The following MAPKAP1 variants were observed in gnomAD, a reference collection of about 807,000 sequenced individuals.
MAPKAP1 encodes target of rapamycin complex 2 subunit MAPKAP1.
MAPKAP1 carries 20 observed loss-of-function variants against 65.7 expected under a neutral mutation model. That is an observed-to-expected ratio of 0.30 (90% confidence interval 0.21 to 0.44). The LOEUF is 0.44. MAPKAP1 is among the 20% of genes least tolerant of loss of function. The pLI is 1.00. For synonymous variants in MAPKAP1, 222 were observed against 244.3 expected, an observed-to-expected ratio of 0.91 and a Z score of 0.85; for missense variants, 423 against 648.0, an observed-to-expected ratio of 0.65 and a Z score of 3.77.
chr9:125,477,941 C>T (rs911865267), intron 9 of MAPKAP1: 3 of 152,148 alleles, frequency 2.0e-5, no homozygotes, highest in African/African-American at 7.2e-5. Flanking sequence ...CTTTTTAGGA[C>T]TGACAGAGGG....
At chr9:125,448,815 G>A (rs1451677727) in intron 10 of MAPKAP1, among the ~76,000 whole-genome samples, 1 of 152,082 alleles carries the variant, frequency 6.6e-6, no homozygotes, top group East Asian at 1.9e-4. Flanking sequence ...GACCAGCCTT[G>A]CCAACACTGT....
At chr9:125,648,573 G>A (rs981112266) in intron 4 of MAPKAP1, among the ~76,000 whole-genome samples, 1 of 152,180 alleles carries the variant, frequency 6.6e-6, no homozygotes, top group African/African-American at 2.4e-5. Flanking sequence ...CTGATTCCCT[G>A]TCAGTGTTCC....
intron 1 of MAPKAP1, among the ~76,000 whole-genome samples, chr9:125,697,833 C>T (rs980594828): frequency 3.3e-5 from 5 of 152,168 alleles, no homozygotes; most frequent in African/African-American, 1.2e-4. Context: ...ATCTTACCAT[C>T]TTACCACCAA....
intron 8 of MAPKAP1, among the ~76,000 whole-genome samples, chr9:125,494,118 A>G (rs951594154): frequency 1.3e-5 from 2 of 152,220 alleles, no homozygotes; most frequent in African/African-American, 4.8e-5. Flanking sequence ...AGTGAGTCAC[A>G]GAGAAAACTC....
chr9:125,610,564 C>T, intron 4 of MAPKAP1, among the ~76,000 whole-genome samples: 1 of 152,092 alleles, frequency 6.6e-6, no homozygotes, highest in East Asian at 1.9e-4. Context: ...GACCGTGATA[C>T]CCTCCTCACA....
At chr9:125,664,856 A>G (rs1380118647) in intron 3 of MAPKAP1, among the ~76,000 whole-genome samples, 1 of 152,138 alleles carries the variant, frequency 6.6e-6, no homozygotes, top group Admixed American at 6.5e-5. Context: ...TAGAAAGACT[A>G]TAAAGTCTTT....
intron 4 of MAPKAP1, among the ~76,000 whole-genome samples, chr9:125,628,292 A>G (rs1005738238): frequency 6.6e-6 from 1 of 152,138 alleles, no homozygotes; most frequent in Non-Finnish European, 1.5e-5. Context: ...AATGGGCAAG[A>G]TGGAATGGGC....
At chr9:125,667,500 T>C (rs999027576) in intron 3 of MAPKAP1, among the ~76,000 whole-genome samples, 2 of 152,150 alleles carry the variant, frequency 1.3e-5, no homozygotes, top group Admixed American at 6.5e-5. Context: ...ATATTTTTAG[T>C]TGAGACAGGG....
chr9:125,543,378 T>C (rs1020472061), intron 6 of MAPKAP1, among the ~76,000 whole-genome samples: 2 of 151,898 alleles, frequency 1.3e-5, no homozygotes, highest in Non-Finnish European at 1.5e-5. Flanking sequence ...ACCATTCTCC[T>C]GCCTCAGCCT....
At chr9:125,549,277 G>T (rs568851204) in intron 6 of MAPKAP1, among the ~76,000 whole-genome samples, 212 of 152,298 alleles carry the variant, frequency 1.4e-3, no homozygotes, top group Non-Finnish European at 4.1e-4. Context: ...TCGAGTCTCT[G>T]GTCCTGACCA....
At chr9:125,646,453 G>A (rs1833728184) in intron 4 of MAPKAP1, among the ~76,000 whole-genome samples, 1 of 152,194 alleles carries the variant, frequency 6.6e-6, no homozygotes, top group Non-Finnish European at 1.5e-5. Context: ...CAACAGTAAG[G>A]AATGTTATGA....
intron 4 of MAPKAP1, among the ~76,000 whole-genome samples, chr9:125,640,661 C>G (rs946308929): frequency 3.9e-5 from 6 of 152,212 alleles, no homozygotes; most frequent in African/African-American, 1.4e-4. Flanking sequence ...CATCCATTCT[C>G]ACTCTTTTTA....
intron 5 of MAPKAP1, among the ~76,000 whole-genome samples, chr9:125,575,714 T>A (rs951430077): frequency 6.6e-6 from 1 of 152,122 alleles, no homozygotes. Context: ...CAAATGCTGG[T>A]GAGGATTTGG....
intron 4 of MAPKAP1, among the ~76,000 whole-genome samples, chr9:125,632,878 C>T (rs1315145860): frequency 6.6e-6 from 1 of 152,182 alleles, no homozygotes; most frequent in South Asian, 2.1e-4. Context: ...CTCCAGCTTG[C>T]GTGCAAGAAT....
chr9:125,531,133 C>T (rs1010070931), intron 7 of MAPKAP1, among the ~76,000 whole-genome samples: 1 of 152,144 alleles, frequency 6.6e-6, no homozygotes, highest in African/African-American at 2.4e-5. Context: ...TTGCTGCCAC[C>T]CCCAGCTGAA....
chr9:125,471,460 G>GAGT (rs1853919739), intron 9 of MAPKAP1: 1 of 152,702 alleles, frequency 6.5e-6, no homozygotes, highest in Non-Finnish European at 1.5e-5. Context: ...AAAGAGTTAG[G>GAGT]AGTAGGCAGA....
At position 125,660,995 on chromosome 9, in the gene MAPKAP1, G is replaced by T. The variant is rs150591898; in HGVS notation, c.350-3196C>A. 6.2e-4 allele frequency among the ~76,000 whole-genome samples: 95 copies of T among 152,170 alleles called. 1 individual carries two copies. The highest frequency in any genetic ancestry group is 2.3e-3 in the African/African-American group (94 of 41,502). ...AATGATAAATTAGGAAAGAATAAAG[G>T]TCAATATTCCTAATATGTAAATATT... On this transcript the variant is annotated intron_variant, in intron 3 of 11. Transcript: ENST00000265960.
intron 5 of MAPKAP1, among the ~76,000 whole-genome samples, chr9:125,560,456 C>T (rs1020826049): frequency 6.6e-6 from 1 of 151,988 alleles, no homozygotes; most frequent in Admixed American, 6.6e-5. Context: ...TGGTGGTATG[C>T]GCCTGTAGTT....
chr9:125,629,715 T>C (rs947680923), intron 4 of MAPKAP1, among the ~76,000 whole-genome samples: 32 of 152,208 alleles, frequency 2.1e-4, no homozygotes, highest in African/African-American at 4.8e-4. Context: ...TACTACCATA[T>C]TGAACACTTA....
Sources: gnomAD v4.1 joint callset for allele counts (sites outside exome capture counted in the v4.1 genomes callset) on GRCh38, gnomAD v4.1.1 for gene constraint, MANE v1.5 for transcripts, NCBI Gene and HGNC (gene_info 2026-07-23, HGNC 2026-07-21) for gene names.